Variants in RYR3 observed in about 807,000 individuals in gnomAD.
RYR3 encodes brain ryanodine receptor-calcium release channel.
Under a neutral mutation model 584.3 loss-of-function variants are expected in RYR3, and 207 were observed. The observed-to-expected ratio is 0.35, with a 90% CI of 0.32 to 0.40. The LOEUF (loss-of-function observed/expected upper bound fraction) is 0.40. Ranked by LOEUF, RYR3 falls within the 10% of genes least tolerant of loss-of-function variation. RYR3 has a pLI of 1.00. For missense variants in RYR3, 5,616 were observed against 6,089.2 expected (o/e 0.92, Z 2.59); for synonymous variants, 2,416 against 2,248.5 (o/e 1.07, Z -2.11).
At chr15:33,770,463 T>C (rs1459436469) in intron 62 of RYR3, among the ~76,000 whole-genome samples, 1 of 152,092 alleles carries the variant, frequency 6.6e-6, no homozygotes, top group East Asian at 1.9e-4. Context: ...ACTAGAAAGT[T>C]AGGAAGGGCC....
At chr15:33,597,032 C>G (rs2059412301) in intron 16 of RYR3, among the ~76,000 whole-genome samples, 1 of 152,184 alleles carries the variant, frequency 6.6e-6, no homozygotes, top group Admixed American at 6.5e-5. Flanking sequence ...CTGCCTAAAG[C>G]CACCGGATTA....
At chr15:33,546,259 G>A (rs147411087) in intron 8 of RYR3, among the ~76,000 whole-genome samples, 6 of 152,134 alleles carry the variant, frequency 3.9e-5, no homozygotes. Flanking sequence ...ACCTGGGTGA[G>A]CCACTTCACC....
chr15:33,710,315 T>C (rs2067011096), intron 43 of RYR3, among the ~76,000 whole-genome samples: 1 of 146,872 alleles, frequency 6.8e-6, no homozygotes, highest in Non-Finnish European at 1.5e-5. Context: ...AGAGAGAGAG[T>C]AGAGAGGCTG....
At chr15:33,472,345 C>T (rs1250431477) in intron 1 of RYR3, among the ~76,000 whole-genome samples, 1 of 152,204 alleles carries the variant, frequency 6.6e-6, no homozygotes, top group African/African-American at 2.4e-5. Flanking sequence ...ACATTCTAGA[C>T]ACAGTTTAAG....
chr15:33,644,811 T>C (rs1044269117), intron 28 of RYR3, among the ~76,000 whole-genome samples: 2 of 152,238 alleles, frequency 1.3e-5, no homozygotes, highest in Non-Finnish European at 2.9e-5. Flanking sequence ...GTCATAGTAA[T>C]ATAGTATTCG....
intron 2 of RYR3, among the ~76,000 whole-genome samples, chr15:33,478,072 A>C (rs918408691): frequency 6.7e-6 from 1 of 149,332 alleles, no homozygotes. Flanking sequence ...ATTATATCTC[A>C]TCTATTCTGT....
intron 16 of RYR3, among the ~76,000 whole-genome samples, chr15:33,588,956 C>T (rs2058992248): frequency 6.6e-6 from 1 of 152,004 alleles, no homozygotes; most frequent in African/African-American, 2.4e-5. Flanking sequence ...AATTTATTTT[C>T]CTTTGGGTAG....
chr15:33,387,596 T>C (rs1384031153), intron 1 of RYR3, among the ~76,000 whole-genome samples: 1 of 151,470 alleles, frequency 6.6e-6, no homozygotes, highest in East Asian at 1.9e-4. Flanking sequence ...GATCACCAGA[T>C]ATTTGAAGAA....
chr15:33,377,548 T>G (rs1333731637), intron 1 of RYR3, among the ~76,000 whole-genome samples: 1 of 152,202 alleles, frequency 6.6e-6, no homozygotes, highest in Non-Finnish European at 1.5e-5. Flanking sequence ...TTGGAGCAAG[T>G]TAGAGTCCGA....
intron 1 of RYR3, among the ~76,000 whole-genome samples, chr15:33,384,353 GA>G (rs894694711): frequency 2.0e-5 from 3 of 151,532 alleles, no homozygotes; most frequent in Non-Finnish European, 2.9e-5. Flanking sequence ...TGAATTATCT[GA>G]AAAATTCCTT....
At chr15:33,790,597 G>A (rs74008312) in intron 67 of RYR3, among the ~76,000 whole-genome samples, 2,963 of 152,284 alleles carry the variant, frequency 0.019, 93 homozygotes, top group African/African-American at 0.068. Context: ...ACTTTCAGAC[G>A]TGTTGAAATT....
chr15:33,628,009 A>C (rs1228936730), intron 20 of RYR3, among the ~76,000 whole-genome samples: 23 of 152,142 alleles, frequency 1.5e-4, no homozygotes, highest in Non-Finnish European at 1.2e-4. Flanking sequence ...TAAAAACAGG[A>C]GGAGAAAAAA....
At chr15:33,646,096 T>C (rs1173584967) in intron 28 of RYR3, among the ~76,000 whole-genome samples, 1 of 152,222 alleles carries the variant, frequency 6.6e-6, no homozygotes, top group African/African-American at 2.4e-5. Flanking sequence ...GCATTTATTC[T>C]CCACCCTTGG....
intron 12 of RYR3, among the ~76,000 whole-genome samples, chr15:33,577,843 G>A (rs2152508729): frequency 6.6e-6 from 1 of 152,200 alleles, no homozygotes; most frequent in Non-Finnish European, 1.5e-5. Flanking sequence ...CCTACAGAAT[G>A]GGAGAAAATT....
rs375405552 is a variant in RYR3, at chr15:33,853,619, A to G, written c.13736A>G (p.Lys4579Arg). The part of the protein sequence containing the change: ...ERIAELLGLD[K>R]NALDFSPVEE... Reference sequence around the variant, plus strand: ...ATTGCTGAACTTCTGGGTTTGGACAAAAATGCTCTTGACTTTAGCCCAGTA... The same window carrying G: ...ATTGCTGAACTTCTGGGTTTGGACAGAAATGCTCTTGACTTTAGCCCAGTA... Residue 4579 changes from lysine to arginine, a missense_variant, in exon 96 of 104, where the codon AAA (lysine) becomes AGA (arginine). Physicochemically the swap from Lys to Arg is conservative, Grantham distance 26 (BLOSUM62 2). Around this residue, in one of 9 missense-constraint regions of RYR3, gnomAD observed 918 missense variants for 887.4 expected, o/e 1.03. Coordinates refer to ENST00000634891, the MANE Select transcript of RYR3 (RefSeq NM_001036.6). 1.5e-5 allele frequency: 25 copies of G among 1,613,924 alleles called. No individual in the cohort carries two copies. The African/African-American group carries it at 3.2e-4, about 21-fold the overall frequency.
rs11857419 is a variant in RYR3, at chr15:33,755,201, A to T, written c.8515+21A>T. On this transcript the variant is annotated intron_variant, in intron 58 of 103. Transcript: ENST00000634891. ...TTTAGGTAAGTATCATCATGAAATA[A>T]CCCAAAAGAATTCAATATTCTTTTA... 0.021 allele frequency: 27,126 copies of T among 1,310,948 alleles called. 2,409 individuals carry two copies. In the African/African-American group the frequency reaches 0.26, roughly 12 times the overall value. 81.2% of individuals were successfully genotyped at this position (1,310,948 alleles called of 1,614,324 possible). A position where few individuals can be genotyped will look rare whatever the true frequency, so the allele number is the denominator to read the frequency against.
In RYR3 at chr15:33,636,271, A is replaced by G. The variant is rs1286292168; in HGVS notation, c.3382-105A>G. On this transcript the variant is annotated intron_variant, in intron 26 of 103. Transcript: ENST00000634891. ...TATCCTTGAGTGTCCCCTAGAAATC[A>G]TGTAACCACTACTAGTTAGGAGATA... 3.1e-6 allele frequency: 3 copies of G among 976,188 alleles called. No homozygotes were observed. In the Admixed American group the frequency reaches 6.3e-5, roughly 21 times the overall value. 60.5% of individuals were successfully genotyped at this position (976,188 alleles called of 1,614,324 possible).
intron 11 of RYR3, among the ~76,000 whole-genome samples, chr15:33,564,384 A>G: frequency 6.6e-6 from 1 of 152,246 alleles, no homozygotes; most frequent in Non-Finnish European, 1.5e-5. Flanking sequence ...TATACAAGTC[A>G]GGGTTCGGGG....
chr15:33,381,061 T>C (rs773632869), intron 1 of RYR3, among the ~76,000 whole-genome samples: 5 of 152,228 alleles, frequency 3.3e-5, no homozygotes, highest in African/African-American at 4.8e-5. Context: ...CTTTAGTCTA[T>C]TAGATCAATT....
Sources: allele counts gnomAD v4.1 joint callset (sites outside exome capture counted in the v4.1 genomes callset), GRCh38; gene constraint gnomAD v4.1.1; regional missense constraint gnomAD v4.1.1; transcripts MANE v1.5; gene names NCBI Gene and HGNC (gene_info 2026-07-23, HGNC 2026-07-21).